The following IAH1 variants were observed in gnomAD, a reference collection of about 807,000 sequenced individuals.
IAH1 encodes isoamyl acetate-hydrolyzing esterase 1 homolog.
A neutral mutation model predicts 26.7 loss-of-function variants in IAH1; 24 were observed. The observed-to-expected ratio is 0.90, with a 90% CI of 0.65 to 1.26. IAH1 has a LOEUF of 1.26. IAH1 is among the 50% of genes most tolerant of loss of function. IAH1 has a pLI of 0.00. For missense variants in IAH1, 300 were observed against 299.9 expected, an observed-to-expected ratio of 1.00 and a Z score of 0.00; for synonymous variants, 140 against 118.5, an observed-to-expected ratio of 1.18 and a Z score of -1.18.
At chr2:9,481,166 G>C (rs1572841162) in intron 3 of IAH1, 120 bp from the exon 4 acceptor site, 1 of 1,025,762 alleles carries the variant, frequency 9.7e-7, no homozygotes, top group South Asian at 1.6e-5. Context: ...TTGTGTCCTT[G>C]GTGTTAAACA....
chr2:9,495,556 T>TA (rs943753846), intron 6 of IAH1, among the ~76,000 whole-genome samples: 6 of 151,480 alleles, frequency 4.0e-5, no homozygotes, highest in Admixed American at 2.6e-4. Context: ...CTACTAAAAA[T>TA]AAAAAAAATT....
chr2:9,482,829 G>GT (rs756121725), intron 4 of IAH1, among the ~76,000 whole-genome samples: 119 of 152,244 alleles, frequency 7.8e-4, no homozygotes, highest in Non-Finnish European at 1.4e-3. Flanking sequence ...CCTGCGGGAC[G>GT]TGGTGACAGT....
Position 9,488,128 on chromosome 2 carries a change from C to T in IAH1, c.565-19C>T, listed in dbSNP as rs758556578. 9.6e-6 allele frequency: 15 copies of T among 1,562,262 alleles called. No homozygotes were observed. The highest frequency in any genetic ancestry group is 2.7e-5 in the African/African-American group (2 of 73,018). ...ACGTGGCCAGTTACCCACCTTTAAC[C>T]GATTTCTCTCCCTTCTAGGACTTCT... On this transcript the variant is annotated intron_variant, in intron 5 of 5. Transcript: ENST00000497473.
At chr2:9,495,123 G>A (rs1347153668) in intron 6 of IAH1, among the ~76,000 whole-genome samples, 1 of 152,170 alleles carries the variant, frequency 6.6e-6, no homozygotes, top group Admixed American at 6.5e-5. Context: ...TTCAATCCTT[G>A]GTTTTTCAGT....
downstream of IAH1, among the ~76,000 whole-genome samples, chr2:9,492,635 C>T (rs1197124168): frequency 6.6e-6 from 1 of 152,200 alleles, no homozygotes; most frequent in Non-Finnish European, 1.5e-5. Context: ...TCCAGTTAAA[C>T]AGTCTCCTAT....
At chr2:9,475,255 G>C in intron 1 of IAH1, 1 of 1,223,502 alleles carries the variant, frequency 8.2e-7, no homozygotes, top group Admixed American at 2.3e-5. Flanking sequence ...TTCCATTCCT[G>C]TGTGTGTCCT....
intron 3 of IAH1, among the ~76,000 whole-genome samples, chr2:9,478,599 A>C (rs1319103967): frequency 6.6e-6 from 1 of 152,220 alleles, no homozygotes; most frequent in South Asian, 2.1e-4. Context: ...AAACAGTTAA[A>C]TATTTTCTAG....
At chr2:9,485,941 G>T (rs184336676) in intron 5 of IAH1, 6 of 152,202 alleles carry the variant, frequency 3.9e-5, no homozygotes, top group African/African-American at 1.4e-4. Flanking sequence ...TCCAGTGTGC[G>T]GGAAGCTCTT....
At chr2:9,497,151 G>A (rs748758847), downstream of IAH1, 34 of 1,613,970 alleles carry the variant, frequency 2.1e-5, no homozygotes, top group African/African-American at 1.9e-4. Flanking sequence ...GTTCCCTCTC[G>A]CAGAAAGGGA....
chr2:9,487,833 TGCGC>T (rs138868847), intron 5 of IAH1, among the ~76,000 whole-genome samples: 5,343 of 82,270 alleles, frequency 0.065, 108 homozygotes, highest in Middle Eastern at 0.12. Flanking sequence ...TGTGTGTGTG[TGCGC>T]GCGCGCGCGC....
downstream of IAH1, among the ~76,000 whole-genome samples, chr2:9,492,443 G>A (rs138000435): frequency 2.5e-3 from 381 of 152,208 alleles, 2 homozygotes; most frequent in African/African-American, 8.9e-3. Context: ...ATGACAGCTG[G>A]GCCCCAGTCC....
In IAH1 at chr2:9,478,385, G is replaced by T. The variant is rs755889156; in HGVS notation, c.283+15G>T. ...TGCACTAAAAGGTAAAAGCATTTTT[G>T]ATGTTCTTCTAGCTCACTTTTAATC... On this transcript the variant is annotated intron_variant, in intron 3 of 5. Transcript: ENST00000497473. 2.9e-5 allele frequency: 46 copies of T among 1,577,148 alleles called. No homozygotes were observed. Among genetic ancestry groups the T allele is most frequent in the Non-Finnish European group, 3.7e-5 (43 of 1,160,662 alleles).
the IAH1 span, among the ~76,000 whole-genome samples, chr2:9,507,787 T>C: frequency 6.6e-6 from 1 of 152,168 alleles, no homozygotes; most frequent in Non-Finnish European, 1.5e-5. Flanking sequence ...TAGCACAACC[T>C]TGGCTCACTG....
At chr2:9,498,748 C>T (rs1179783685), downstream of IAH1, among the ~76,000 whole-genome samples, 1 of 152,166 alleles carries the variant, frequency 6.6e-6, no homozygotes, top group East Asian at 1.9e-4. Context: ...CCAGTGAGCT[C>T]AGGGAAGGTT....
chr2:9,482,672 A>T (rs1310741459), intron 4 of IAH1, among the ~76,000 whole-genome samples: 1 of 152,208 alleles, frequency 6.6e-6, no homozygotes, highest in Non-Finnish European at 1.5e-5. Flanking sequence ...GTATGAGTTT[A>T]CTGTTGAGTG....
chr2:9,493,645 T>C (rs1572878026), downstream of IAH1: 10 of 966,974 alleles, frequency 1.0e-5, no homozygotes, highest in East Asian at 2.6e-4. Context: ...AGTTCCACCT[T>C]CTACTGCAGA....
intron 6 of IAH1, among the ~76,000 whole-genome samples, chr2:9,495,091 ACTTT>A (rs1351038838): frequency 1.3e-5 from 2 of 152,108 alleles, no homozygotes; most frequent in Admixed American, 6.5e-5. Flanking sequence ...CTTTGTCCCA[ACTTT>A]CTTGTCACCC....
At chr2:9,503,374 T>G in the IAH1 span, among the ~76,000 whole-genome samples, 1 of 152,190 alleles carries the variant, frequency 6.6e-6, no homozygotes, top group Non-Finnish European at 1.5e-5. Flanking sequence ...TGGGTAACTT[T>G]CTAACTTGTA....
chr2:9,498,997 AT>A (rs1164133072), downstream of IAH1, among the ~76,000 whole-genome samples: 1 of 152,052 alleles, frequency 6.6e-6, no homozygotes, highest in African/African-American at 2.4e-5. Flanking sequence ...CCCTTCCCAC[AT>A]TTTTTGATGC....
Sources: gnomAD v4.1 joint callset for allele counts (sites outside exome capture counted in the v4.1 genomes callset) on GRCh38, gnomAD v4.1.1 for gene constraint, MANE v1.5 for transcripts, NCBI Gene and HGNC (gene_info 2026-07-23, HGNC 2026-07-21) for gene names.